Variants in AK5 observed in about 807,000 individuals in gnomAD.
AK5 encodes the protein adenylate kinase isoenzyme 5.
A neutral mutation model predicts 69.5 loss-of-function variants in AK5; 27 were observed. That is an observed-to-expected ratio of 0.39 (90% CI 0.29 to 0.54). The LOEUF (loss-of-function observed/expected upper bound fraction) is 0.54. AK5 is among the 20% of genes least tolerant of loss of function. AK5 has a pLI of 0.71. For synonymous variants in AK5, 260 were observed against 244.4 expected (o/e 1.06, Z -0.60); for missense variants, 531 against 700.4 (o/e 0.76, Z 2.73).
At chr1:77,430,141 A>C (rs1477396150) in intron 8 of AK5, among the ~76,000 whole-genome samples, 1 of 152,128 alleles carries the variant, frequency 6.6e-6, no homozygotes, top group East Asian at 1.9e-4. Flanking sequence ...AAAAAAAAAA[A>C]ACAAAAAAAC....
At chr1:77,349,066 A>G (rs1465582283) in intron 6 of AK5, among the ~76,000 whole-genome samples, 2 of 152,320 alleles carry the variant, frequency 1.3e-5, no homozygotes, top group Non-Finnish European at 2.9e-5. Flanking sequence ...ACAAAATAAA[A>G]GAAAAAGAAT....
At chr1:77,464,306 T>C (rs928340128) in intron 8 of AK5, among the ~76,000 whole-genome samples, 1 of 152,188 alleles carries the variant, frequency 6.6e-6, no homozygotes, top group Admixed American at 6.5e-5. Context: ...GCCAGGCTCC[T>C]TCCTGCTGCA....
At chr1:77,466,909 G>A (rs1654177709) in intron 8 of AK5, among the ~76,000 whole-genome samples, 1 of 152,180 alleles carries the variant, frequency 6.6e-6, no homozygotes, top group African/African-American at 2.4e-5. Flanking sequence ...AGCACCCAGG[G>A]TAGGGATCTA....
intron 5 of AK5, among the ~76,000 whole-genome samples, chr1:77,319,793 T>TA (rs1419572131): frequency 6.6e-6 from 1 of 152,220 alleles, no homozygotes; most frequent in Non-Finnish European, 1.5e-5. Flanking sequence ...AAGTCCAAGA[T>TA]ACTATTCTCA....
intron 5 of AK5, among the ~76,000 whole-genome samples, chr1:77,309,309 C>A (rs1203957613): frequency 6.6e-6 from 1 of 151,974 alleles, no homozygotes; most frequent in Non-Finnish European, 1.5e-5. Flanking sequence ...TATAAACACA[C>A]ACGAACACTC....
intron 13 of AK5, among the ~76,000 whole-genome samples, chr1:77,538,453 T>C (rs1659092422): frequency 6.6e-6 from 1 of 151,532 alleles, no homozygotes; most frequent in African/African-American, 2.4e-5. Flanking sequence ...AATTAGATTG[T>C]CTAGTGATTT....
intron 10 of AK5, among the ~76,000 whole-genome samples, chr1:77,513,824 C>A (rs773589234): frequency 6.6e-6 from 1 of 152,200 alleles, no homozygotes; most frequent in Non-Finnish European, 1.5e-5. Flanking sequence ...AATCCAGGAG[C>A]TATCTCACAG....
At chr1:77,476,889 G>A (rs1654967880) in intron 8 of AK5, among the ~76,000 whole-genome samples, 1 of 142,084 alleles carries the variant, frequency 7.0e-6, no homozygotes, top group Admixed American at 7.3e-5. Flanking sequence ...TAATGTGTGA[G>A]GTGTTTTGCT....
intron 6 of AK5, among the ~76,000 whole-genome samples, chr1:77,373,132 C>T (rs1405951313): frequency 6.6e-6 from 1 of 152,120 alleles, no homozygotes; most frequent in East Asian, 1.9e-4. Context: ...CCAGAATAAG[C>T]TTGTAACCGT....
rs1290006256 is a variant in AK5 at position 77,430,183 on chromosome 1, G to A, written c.1059+12468G>A. On this transcript the variant is annotated intron_variant, in intron 8 of 13. Transcript: ENST00000354567. ...TCTATGGAGTCCAGAGTGGGAGGCTGCAGTGGTCCAAACAAGAGTTGATGG... is the reference window on the plus strand; with the variant it reads ...TCTATGGAGTCCAGAGTGGGAGGCTACAGTGGTCCAAACAAGAGTTGATGG... Among the ~76,000 whole-genome samples the A allele has an allele frequency of 2.0e-5, 3 of 152,152 alleles. No individual in the cohort carries two copies. In the East Asian group the frequency reaches 5.8e-4, roughly 29 times the overall value.
At chr1:77,448,041 CAG>C (rs956962529) in intron 8 of AK5, among the ~76,000 whole-genome samples, 5 of 152,210 alleles carry the variant, frequency 3.3e-5, no homozygotes, top group Admixed American at 1.3e-4. Flanking sequence ...GGGAGGCTGA[CAG>C]GGGGCTTAGG....
At chr1:77,448,386 T>A (rs1031178931) in intron 8 of AK5, among the ~76,000 whole-genome samples, 4 of 152,096 alleles carry the variant, frequency 2.6e-5, no homozygotes, top group African/African-American at 9.7e-5. Context: ...AGATAGGAAA[T>A]ACCCACTCTG....
At chr1:77,427,086 A>G (rs1651260343) in intron 8 of AK5, among the ~76,000 whole-genome samples, 1 of 152,008 alleles carries the variant, frequency 6.6e-6, no homozygotes, top group Non-Finnish European at 1.5e-5. Context: ...CCTCCACTGT[A>G]GAAAACTAGA....
chr1:77,516,072 GA>G (rs1364922577), intron 10 of AK5, among the ~76,000 whole-genome samples: 1 of 150,696 alleles, frequency 6.6e-6, no homozygotes, highest in Non-Finnish European at 1.5e-5. Flanking sequence ...CTATCTCAAA[GA>G]AAAAAAAGAA....
intron 10 of AK5, among the ~76,000 whole-genome samples, chr1:77,503,810 C>G (rs1233945279): frequency 6.6e-6 from 1 of 151,612 alleles, no homozygotes; most frequent in African/African-American, 2.4e-5. Flanking sequence ...AAGGCTGAGG[C>G]AGGAGAATTG....
chr1:77,450,805 G>T (rs370487340), intron 8 of AK5, among the ~76,000 whole-genome samples: 118 of 152,270 alleles, frequency 7.7e-4, no homozygotes, highest in African/African-American at 2.7e-3. Context: ...TGTCAAGTTT[G>T]TGTTTGCTTG....
intron 5 of AK5, among the ~76,000 whole-genome samples, chr1:77,309,315 C>T (rs77918430): frequency 0.02 from 3,106 of 152,098 alleles, 40 homozygotes; most frequent in Non-Finnish European, 0.033. Context: ...CACACACGAA[C>T]ACTCAAATTG....
intron 6 of AK5, among the ~76,000 whole-genome samples, chr1:77,344,097 C>T (rs1205440401): frequency 6.6e-6 from 1 of 152,150 alleles, no homozygotes; most frequent in Non-Finnish European, 1.5e-5. Context: ...TTCTTTTTTA[C>T]CTCATTGACT....
chr1:77,545,411 A>G (rs1384308721), intron 13 of AK5, among the ~76,000 whole-genome samples: 1 of 152,156 alleles, frequency 6.6e-6, no homozygotes, highest in Non-Finnish European at 1.5e-5. Context: ...ACACATCACA[A>G]TATTGTTTTC....
Sources: gnomAD v4.1 joint callset for allele counts (sites outside exome capture counted in the v4.1 genomes callset) on GRCh38, gnomAD v4.1.1 for gene constraint, MANE v1.5 for transcripts, NCBI Gene and HGNC (gene_info 2026-07-23, HGNC 2026-07-21) for gene names.